NFIB: variants seen among roughly 807,000 people sequenced by gnomAD.
NFIB encodes the protein nuclear factor 1 B-type.
A neutral mutation model predicts 61.5 loss-of-function variants in NFIB; 11 were observed. That is an observed-to-expected ratio of 0.18 (90% CI 0.11 to 0.30). The LOEUF (loss-of-function observed/expected upper bound fraction) is 0.30, where lower values mean the gene tolerates loss of function less well. Among genes scored for constraint, NFIB ranks in the 10% least tolerant of loss-of-function variants. The pLI is 1.00. For missense variants in NFIB, 471 were observed against 608.9 expected (o/e 0.77, Z 2.38); for synonymous variants, 260 against 216.5 (o/e 1.20, Z -1.76).
intron 2 of NFIB, among the ~76,000 whole-genome samples, chr9:14,298,156 T>C (rs1301880835): frequency 6.6e-6 from 1 of 152,190 alleles, no homozygotes; most frequent in Non-Finnish European, 1.5e-5. Flanking sequence ...ATGGTATATA[T>C]AAAGTTACAA....
the NFIB span, among the ~76,000 whole-genome samples, chr9:14,435,949 C>A: frequency 5.9e-5 from 9 of 152,240 alleles, no homozygotes; most frequent in African/African-American, 2.2e-4. Context: ...TAAATTACTT[C>A]ACACATTGGA....
At chr9:14,109,952 A>G (rs1018348526) in intron 10 of NFIB, among the ~76,000 whole-genome samples, 4 of 152,112 alleles carry the variant, frequency 2.6e-5, no homozygotes, top group African/African-American at 9.6e-5. Context: ...AAAGGAACAC[A>G]AAGATGTATA....
intron 1 of NFIB, among the ~76,000 whole-genome samples, chr9:14,342,941 T>C (rs932753637): frequency 1.3e-5 from 2 of 152,058 alleles, no homozygotes; most frequent in African/African-American, 2.4e-5. Context: ...CCCCTTATGT[T>C]GTTTTCATAT....
intron 4 of NFIB, among the ~76,000 whole-genome samples, chr9:14,154,722 G>C (rs1397172012): frequency 6.6e-6 from 1 of 152,082 alleles, no homozygotes; most frequent in South Asian, 2.1e-4. Flanking sequence ...AACTACTTAA[G>C]ATCTTAAACG....
chr9:14,126,294 G>A (rs2039635873), intron 6 of NFIB, among the ~76,000 whole-genome samples: 1 of 152,164 alleles, frequency 6.6e-6, no homozygotes, highest in South Asian at 2.1e-4. Context: ...GTACTGGCCA[G>A]GTAAAATGAA....
intron 10 of NFIB, among the ~76,000 whole-genome samples, chr9:14,092,029 GAATT>G (rs2034002603): frequency 6.6e-6 from 1 of 152,076 alleles, no homozygotes; most frequent in Non-Finnish European, 1.5e-5. Flanking sequence ...AGAAGCAAAT[GAATT>G]ATTTAGAGCT....
chr9:14,168,803 A>G (rs926308628), intron 3 of NFIB, among the ~76,000 whole-genome samples: 1 of 152,186 alleles, frequency 6.6e-6, no homozygotes, highest in Non-Finnish European at 1.5e-5. Flanking sequence ...CCTTCTTTTT[A>G]AAACATTTTG....
intron 1 of NFIB, among the ~76,000 whole-genome samples, chr9:14,342,810 A>G (rs1442443202): frequency 6.6e-6 from 1 of 152,174 alleles, no homozygotes; most frequent in Non-Finnish European, 1.5e-5. Context: ...TGTGTGTTTT[A>G]TAACATCGAT....
chr9:14,282,312 A>G lies in NFIB; in HGVS notation c.562+24677T>C, dbSNP rs565447429. 2.6e-5 allele frequency among the ~76,000 whole-genome samples: 4 copies of G among 152,344 alleles called. No homozygotes were observed. The South Asian group carries it at 8.3e-4, about 32-fold the overall frequency. ...TCCCCTACTAAAGTGGTAACAAGCA[A>G]TATCAAGAGGGCAATAAATATCCCA... On this transcript the variant is annotated intron_variant, in intron 2 of 10. Transcript: ENST00000380953.
chr9:14,453,939 G>T, the NFIB span, among the ~76,000 whole-genome samples: 1 of 151,980 alleles, frequency 6.6e-6, no homozygotes, highest in African/African-American at 2.4e-5. Flanking sequence ...AAATTAGCTG[G>T]GCACGGTGGG....
At chr9:14,147,067 A>G (rs1448809246) in intron 5 of NFIB, among the ~76,000 whole-genome samples, 2 of 151,998 alleles carry the variant, frequency 1.3e-5, no homozygotes, top group Admixed American at 1.3e-4. Flanking sequence ...ATGTATTTCC[A>G]AAAAAAATTC....
chr9:14,289,424 G>A (rs1588148189), intron 2 of NFIB, among the ~76,000 whole-genome samples: 1 of 151,564 alleles, frequency 6.6e-6, no homozygotes, highest in African/African-American at 2.4e-5. Context: ...TGGCTGAGGG[G>A]ATGGGGCAGT....
chr9:14,411,974 C>A, the NFIB span, among the ~76,000 whole-genome samples: 1 of 152,172 alleles, frequency 6.6e-6, no homozygotes, highest in Non-Finnish European at 1.5e-5. Context: ...CCAACAGCCA[C>A]GTGAGTGAGC....
chr9:14,324,876 T>A (rs1427872582), intron 1 of NFIB, among the ~76,000 whole-genome samples: 1 of 152,118 alleles, frequency 6.6e-6, no homozygotes, highest in Non-Finnish European at 1.5e-5. Context: ...ATACCTAAGG[T>A]TTATAAAATA....
At chr9:14,227,419 G>C (rs2052570233) in intron 2 of NFIB, among the ~76,000 whole-genome samples, 1 of 152,086 alleles carries the variant, frequency 6.6e-6, no homozygotes, top group Non-Finnish European at 1.5e-5. Context: ...ACAAAGCATG[G>C]ATGAATTTTT....
At chr9:14,168,340 G>A (rs1485202916) in intron 3 of NFIB, among the ~76,000 whole-genome samples, 3 of 152,106 alleles carry the variant, frequency 2.0e-5, no homozygotes, top group Non-Finnish European at 2.9e-5. Flanking sequence ...GAGTAGATGC[G>A]AAAATAGAGA....
At chr9:14,202,493 C>G (rs1317071896) in intron 2 of NFIB, among the ~76,000 whole-genome samples, 6 of 152,014 alleles carry the variant, frequency 3.9e-5, no homozygotes, top group Admixed American at 3.9e-4. Flanking sequence ...ATTGATGGAG[C>G]CACACTACAT....
At chr9:14,509,903 C>T in the NFIB span, among the ~76,000 whole-genome samples, 9 of 152,264 alleles carry the variant, frequency 5.9e-5, no homozygotes, top group South Asian at 1.5e-3. Context: ...ATTTTAGTTT[C>T]GTTCAGTTTT....
At chr9:14,479,842 A>C in the NFIB span, among the ~76,000 whole-genome samples, 5 of 152,180 alleles carry the variant, frequency 3.3e-5, no homozygotes, top group Non-Finnish European at 7.3e-5. Flanking sequence ...GGAAACAAAC[A>C]AACCAACAAA....
Sources: allele counts gnomAD v4.1 joint callset (sites outside exome capture counted in the v4.1 genomes callset), GRCh38; gene constraint gnomAD v4.1.1; transcripts MANE v1.5; gene names NCBI Gene and HGNC (gene_info 2026-07-23, HGNC 2026-07-21).